Variants in PTCH1 observed in about 807,000 individuals in gnomAD.
PTCH1 encodes the protein patched 1, also known as protein patched homolog 1.
A neutral mutation model predicts 144.6 loss-of-function variants in PTCH1; 14 were observed. That is an observed-to-expected ratio of 0.10 (90% CI 0.06 to 0.15). The LOEUF is 0.15. PTCH1 is among the 10% of genes least tolerant of loss of function. The pLI, the probability that PTCH1 is intolerant of heterozygous loss-of-function variation, is 1.00. For synonymous variants in PTCH1, 833 were observed against 793.6 expected (o/e 1.05, Z -0.83); for missense variants, 1,623 against 1,948.3 (o/e 0.83, Z 3.14).
intron 15 of PTCH1, among the ~76,000 whole-genome samples, chr9:95,466,129 C>T (rs1839973198): frequency 6.6e-6 from 1 of 152,170 alleles, no homozygotes; most frequent in Non-Finnish European, 1.5e-5. Context: ...CTCACCGCAA[C>T]CTCCACCTCC....
At position 95,446,858 on chromosome 9, in the gene PTCH1, C is replaced by T. The variant is rs1026631632; in HGVS notation, c.*1+53G>A. The T allele has an allele frequency of 3.4e-4, 553 of 1,610,382 alleles. 1 individual carries two copies. Among genetic ancestry groups the T allele is most frequent in the East Asian group, 8.0e-4 (36 of 44,878 alleles). On this transcript the variant is annotated intron_variant, in intron 23 of 23. Transcript: ENST00000331920. ...CCGAGAACCCCAGGAGAACCTTGTC[C>T]TCCTCTTTGCCTGGCTCTAGGTCCC...
Position 95,458,346 on chromosome 9 carries a change from A to G in PTCH1, c.2888-53T>C. The G allele has an allele frequency of 2.5e-6, 4 of 1,588,528 alleles. No homozygotes were observed. Among genetic ancestry groups the G allele is most frequent in the Non-Finnish European group, 3.4e-6 (4 of 1,165,118 alleles). On this transcript the variant is annotated intron_variant, in intron 17 of 23. Coordinates refer to ENST00000331920, the MANE Select transcript of PTCH1 (RefSeq NM_000264.5). This position sits in a 1 kb window ranked among gnomAD's most constrained non-coding sequence, Gnocchi z 4.7. The stretch of plus-strand genomic sequence containing the variant: ...GCAGCCCAGGGTAGAAGAGCATCAC[A>G]GTTTCAATGGAAAGAGAGAAGAACT...
At position 95,467,223 on chromosome 9, in the gene PTCH1, A is replaced by G; in HGVS notation, c.2453T>C (p.Leu818Ser). The G allele has an allele frequency of 6.2e-7, 1 of 1,613,510 alleles. No homozygotes were observed. Among genetic ancestry groups the G allele is most frequent in the Non-Finnish European group, 8.5e-7 (1 of 1,179,844 alleles). Residue 818 changes from leucine (L) to serine (S), a missense_variant, in exon 15 of 24, where the codon TTA (leucine) becomes TCA (serine). Leu to Ser is a moderately radical substitution (Grantham distance 145). This residue lies in a region of PTCH1 where 504 missense variants were observed against 679.3 expected (regional missense o/e 0.74). Transcript: ENST00000331920. ...GAAACTCCTGTGTAGGTCGTAAAGT[A>G]AGTGCTGGATATTCGGGTAGTCTGC... ...QKADYPNIQH[L>S]LYDLHRSFSN...
At chr9:95,494,130 G>A (rs1842633260) in intron 2 of PTCH1, 1 of 881,372 alleles carries the variant, frequency 1.1e-6, no homozygotes, top group Non-Finnish European at 1.4e-6. Flanking sequence ...TAGTGCGCAG[G>A]CGCTCGCGCG....
intron 1 of PTCH1, chr9:95,507,487 C>G (rs1429643090): frequency 1.0e-6 from 1 of 968,090 alleles, no homozygotes; most frequent in East Asian, 1.1e-4. Context: ...ACTCGCACCG[C>G]GAATTTAAGG....
rs771678354 is a variant in PTCH1, at chr9:95,447,465, G to A, written c.3805-14C>T. 1.9e-6 allele frequency: 3 copies of A among 1,553,390 alleles called. No individual in the cohort carries two copies. The highest frequency in any genetic ancestry group is 2.7e-5 in the African/African-American group (2 of 73,194). On this transcript the variant is annotated splice_polypyrimidine_tract_variant and intron_variant, in intron 22 of 23. Transcript: ENST00000331920. ...GGGATGGACCACCTGCAGAGGGTGA[G>A]GGTGGGTTAGAAGGGTGGTATCCCA...
intron 2 of PTCH1, among the ~76,000 whole-genome samples, chr9:95,496,307 C>T (rs1235975862): frequency 1.3e-5 from 2 of 152,190 alleles, no homozygotes; most frequent in South Asian, 2.1e-4. Flanking sequence ...TACATTCAGA[C>T]GGCCCTGAAT....
At position 95,469,913 on chromosome 9, in the gene PTCH1, A is replaced by C. The variant is rs1554695616; in HGVS notation, c.1747T>G (p.Phe583Val). Reference sequence around the variant, plus strand: ...ATGAGCAGAACCATGGCAAAATTGAACACCACTACTACCGCTGCCTGGGAG... The same window carrying C: ...ATGAGCAGAACCATGGCAAAATTGACCACCACTACTACCGCTGCCTGGGAG... ...FSLQAAVVVV[F>V]NFAMVLLIFP... The change falls in exon 13 of 24, where the codon TTC becomes GTC. Residue 583 changes from phenylalanine (F) to valine (V), a missense_variant. Physicochemically the swap from Phe to Val is conservative, Grantham distance 50. Coordinates refer to ENST00000331920, the MANE Select transcript of PTCH1 (RefSeq NM_000264.5). 1 of 1,614,060 alleles carries C rather than the reference A, an allele frequency of 6.2e-7. No homozygotes were observed. Among genetic ancestry groups the C allele is most frequent in the Non-Finnish European group, 8.5e-7 (1 of 1,179,954 alleles).
chr9:95,480,111 C>T (rs2118397841), intron 6 of PTCH1, 21 bp from the exon 7 acceptor site: 1 of 1,613,726 alleles, frequency 6.2e-7, no homozygotes, highest in Non-Finnish European at 8.5e-7. Context: ...AAGACAGCCA[C>T]ATAATTATGG....
chr9:95,503,173 T>C (rs1323463844), intron 2 of PTCH1: 2 of 152,374 alleles, frequency 1.3e-5, no homozygotes, highest in Middle Eastern at 3.4e-3. Context: ...TAAAAATTCA[T>C]GTCTAGAACC....
At chr9:95,503,999 G>A (rs1178738515) in intron 2 of PTCH1, among the ~76,000 whole-genome samples, 39 of 117,604 alleles carry the variant, frequency 3.3e-4, no homozygotes, top group Non-Finnish European at 5.6e-4. Flanking sequence ...GTCTGGCCTG[G>A]GCGACAGAGC....
At chr9:95,487,908 G>A (rs966681573) in intron 2 of PTCH1, among the ~76,000 whole-genome samples, 22 of 152,178 alleles carry the variant, frequency 1.4e-4, no homozygotes, top group Non-Finnish European at 2.6e-4. Flanking sequence ...CCTAGGTGCC[G>A]TTATAGTGAG....
intron 15 of PTCH1, among the ~76,000 whole-genome samples, chr9:95,463,053 A>C (rs1021601922): frequency 2.4e-5 from 3 of 126,978 alleles, no homozygotes; most frequent in Non-Finnish European, 4.8e-5. Context: ...AAGCCCCAGC[A>C]GCTCAGGAAA....
At chr9:95,516,052 C>G (rs2118953614) in intron 1 of PTCH1, among the ~76,000 whole-genome samples, 1 of 152,182 alleles carries the variant, frequency 6.6e-6, no homozygotes, top group East Asian at 1.9e-4. Context: ...TCTGCCTCCG[C>G]TGGCGAGTCA....
At chr9:95,496,407 G>A (rs1253388219) in intron 2 of PTCH1, among the ~76,000 whole-genome samples, 1 of 152,002 alleles carries the variant, frequency 6.6e-6, no homozygotes, top group Non-Finnish European at 1.5e-5. Context: ...AAAAAGTTAC[G>A]AGAAAAAAGT....
exon 1 of PTCH1, chr9:95,516,520 G>T: frequency 6.5e-7 from 1 of 1,540,210 alleles, no homozygotes. Context: ...TGGCGCGGAC[G>T]CTGGGCTTGG....
chr9:95,453,294 G>C, intron 20 of PTCH1, 184 bp downstream of exon 20: 1 of 804,626 alleles, frequency 1.2e-6, no homozygotes, highest in East Asian at 3.1e-5. Flanking sequence ...ACCACGCCCG[G>C]CTAATTTTTG....
intron 22 of PTCH1, 107 bp from the exon 23 acceptor site, chr9:95,447,558 T>C (rs887798072): frequency 1.4e-5 from 18 of 1,275,508 alleles, no homozygotes; most frequent in African/African-American, 3.0e-5. Flanking sequence ...CAGTCAACCC[T>C]GGGGAGCCAA....
At position 95,485,771 on chromosome 9, in the gene PTCH1, A is replaced by G. The variant is rs1841919196; in HGVS notation, c.498T>C (p.Gly166=). 1 of 1,614,000 alleles carries G rather than the reference A, an allele frequency of 6.2e-7. No individual in the cohort carries two copies. The highest frequency in any genetic ancestry group is 8.5e-7 in the Non-Finnish European group (1 of 1,180,008). Residue 166 remains glycine (G), a synonymous_variant, in exon 3 of 24, where the codon GGT becomes GGC. Transcript: ENST00000331920. ...QLMIQTPKEE[G]ANVLTTEALL... ...GCGCTTCTGTGGTCAGGACATTAGCACCTTCTTCTTTAGGGGTCTGTATCA... is the reference window on the plus strand; with the variant it reads ...GCGCTTCTGTGGTCAGGACATTAGCGCCTTCTTCTTTAGGGGTCTGTATCA...
Sources: allele counts gnomAD v4.1 joint callset (sites outside exome capture counted in the v4.1 genomes callset), GRCh38; gene constraint gnomAD v4.1.1; regional missense constraint gnomAD v4.1.1; non-coding constraint Gnocchi (gnomAD v3.1); transcripts MANE v1.5; gene names NCBI Gene and HGNC (gene_info 2026-07-23, HGNC 2026-07-21).